The following NRG1 variants were observed in gnomAD, a reference collection of about 807,000 sequenced individuals.
NRG1 encodes pro-neuregulin-1, membrane-bound isoform.
Under a neutral mutation model 63.8 loss-of-function variants are expected in NRG1, and 18 were observed. The ratio of observed to expected loss-of-function variants is 0.28; its 90% CI spans 0.19 to 0.42. The LOEUF (loss-of-function observed/expected upper bound fraction) is 0.42, where lower values mean the gene tolerates loss of function less well. Among genes scored for constraint, NRG1 ranks in the 10% least tolerant of loss-of-function variants. The pLI, the probability that NRG1 is intolerant of heterozygous loss-of-function variation, is 1.00. For missense variants in NRG1, 762 were observed against 814.7 expected (o/e 0.94, Z 0.79); for synonymous variants, 302 against 301.3 (o/e 1.00, Z -0.02).
intron 5 of NRG1, among the ~76,000 whole-genome samples, chr8:32,687,380 G>T (rs530166245): frequency 6.6e-6 from 1 of 152,268 alleles, no homozygotes; most frequent in East Asian, 1.9e-4. Context: ...GAAAGAAACT[G>T]CAACAGAGCA....
chr8:32,090,306 A>G (rs1369544721), intron 1 of NRG1, among the ~76,000 whole-genome samples: 1 of 152,246 alleles, frequency 6.6e-6, no homozygotes, highest in African/African-American at 2.4e-5. Flanking sequence ...CATCTAGCTG[A>G]AAATACATTG....
intron 1 of NRG1, among the ~76,000 whole-genome samples, chr8:31,827,572 ATT>A (rs888958862): frequency 2.6e-5 from 4 of 152,224 alleles, no homozygotes; most frequent in Non-Finnish European, 5.9e-5. Context: ...TGTAGCTTGA[ATT>A]TTAGATGATA....
chr8:31,855,628 G>C (rs1827778144), intron 1 of NRG1, among the ~76,000 whole-genome samples: 2 of 152,094 alleles, frequency 1.3e-5, no homozygotes, highest in Non-Finnish European at 2.9e-5. Flanking sequence ...AGTTAATATT[G>C]TTATGTGTGA....
chr8:31,952,017 A>T (rs887704895), intron 1 of NRG1, among the ~76,000 whole-genome samples: 1 of 152,172 alleles, frequency 6.6e-6, no homozygotes. Flanking sequence ...CGACTGTCTT[A>T]CTTTCCTACA....
chr8:32,253,298 G>A (rs1487696927), intron 1 of NRG1, among the ~76,000 whole-genome samples: 1 of 152,058 alleles, frequency 6.6e-6, no homozygotes, highest in Non-Finnish European at 1.5e-5. Context: ...TCCTGTTTTT[G>A]CCTATTCAGT....
chr8:32,228,263 C>T (rs1177733068), intron 1 of NRG1, among the ~76,000 whole-genome samples: 1 of 152,124 alleles, frequency 6.6e-6, no homozygotes. Context: ...AGAATTGCTG[C>T]TCTTATTCCA....
intron 6 of NRG1, among the ~76,000 whole-genome samples, chr8:32,737,272 A>C (rs2129031632): frequency 6.6e-6 from 1 of 152,292 alleles, no homozygotes; most frequent in East Asian, 1.9e-4. Flanking sequence ...ATTTGAGGGC[A>C]GGCACAGCAG....
At chr8:32,666,586 C>A (rs1334400853) in intron 5 of NRG1, among the ~76,000 whole-genome samples, 5 of 152,190 alleles carry the variant, frequency 3.3e-5, no homozygotes, top group Admixed American at 2.6e-4. Flanking sequence ...AATCAGCATG[C>A]AAATTCTATG....
chr8:31,687,557 C>G (rs1386436524), intron 1 of NRG1, among the ~76,000 whole-genome samples: 1 of 152,152 alleles, frequency 6.6e-6, no homozygotes, highest in African/African-American at 2.4e-5. Context: ...AGAACCTGTC[C>G]TGCACTTACC....
chr8:32,042,976 G>GTGTGTGTGTGTA lies in NRG1; in HGVS notation c.37+403556_37+403557insATGTGTGTGTGT, dbSNP rs1459268757. Reference sequence around the variant, plus strand: ...GAAAGAGTGCAGTGTGTGTGTGTGTGTGTGTGTGTGTGTATGAACATGTAC... The same window carrying GTGTGTGTGTGTA: ...GAAAGAGTGCAGTGTGTGTGTGTGTGTGTGTGTGTGTATGTGTGTGTGTGTATGAACATGTAC... On this transcript the variant is annotated intron_variant, in intron 1 of 10. Transcript: ENST00000519301. Among the ~76,000 whole-genome samples, 572 of 151,800 alleles carry GTGTGTGTGTGTA rather than the reference G, an allele frequency of 3.8e-3. 4 individuals carry two copies. The highest frequency in any genetic ancestry group is 0.013 in the African/African-American group (540 of 41,378).
At chr8:31,647,373 G>T (rs553400076) in intron 1 of NRG1, among the ~76,000 whole-genome samples, 1 of 152,308 alleles carries the variant, frequency 6.6e-6, no homozygotes, top group South Asian at 2.1e-4. Context: ...TTTGGGCTCT[G>T]ATGAATAATG....
intron 1 of NRG1, among the ~76,000 whole-genome samples, chr8:31,846,418 C>T (rs16878347): frequency 0.14 from 21,571 of 152,130 alleles, 1,992 homozygotes; most frequent in Non-Finnish European, 0.19. Context: ...ATTACCAGCC[C>T]CTTCCTCAGT....
At chr8:32,727,831 G>A in intron 5 of NRG1, 118 bp from the exon 6 acceptor site, 1 of 979,142 alleles carries the variant, frequency 1.0e-6, no homozygotes, top group East Asian at 2.5e-5. Context: ...AGGTCTGCAA[G>A]TTTAGTGAAA....
chr8:32,410,378 A>G (rs1349004563), intron 1 of NRG1, among the ~76,000 whole-genome samples: 1 of 151,808 alleles, frequency 6.6e-6, no homozygotes, highest in Non-Finnish European at 1.5e-5. Flanking sequence ...ACAGGGTCTC[A>G]GCATGTTCCC....
chr8:32,556,146 A>G (rs745610021), intron 1 of NRG1, among the ~76,000 whole-genome samples: 13 of 152,256 alleles, frequency 8.5e-5, no homozygotes, highest in Non-Finnish European at 1.6e-4. Flanking sequence ...CATGTCATAC[A>G]GTTTAATATT....
At chr8:32,024,692 G>A (rs1816974804) in intron 1 of NRG1, among the ~76,000 whole-genome samples, 1 of 152,104 alleles carries the variant, frequency 6.6e-6, no homozygotes, top group Non-Finnish European at 1.5e-5. Flanking sequence ...AATCAAGAAA[G>A]AACTGAAAAT....
At chr8:32,608,020 A>T (rs1376333391) in intron 3 of NRG1, among the ~76,000 whole-genome samples, 2 of 151,976 alleles carry the variant, frequency 1.3e-5, no homozygotes, top group East Asian at 3.9e-4. Flanking sequence ...AAAAGACAGC[A>T]TAGAAAACAG....
rs375834609 is a variant in NRG1, at chr8:32,072,894, C to T, written c.37+433463C>T. On this transcript the variant is annotated intron_variant, in intron 1 of 10. Transcript: ENST00000519301. Reference sequence around the variant, plus strand: ...AAGACTTTTGCCAAAGTTTTCTGGTCTTTGTTCACTTCTATTATTAACATC... The same window carrying T: ...AAGACTTTTGCCAAAGTTTTCTGGTTTTTGTTCACTTCTATTATTAACATC... Among the ~76,000 whole-genome samples, 99 of 152,102 alleles carry T rather than the reference C, an allele frequency of 6.5e-4. 3 individuals carry two copies. The South Asian group carries it at 0.02, about 31-fold the overall frequency.
intron 5 of NRG1, among the ~76,000 whole-genome samples, chr8:32,618,557 T>G (rs1847786029): frequency 1.3e-5 from 2 of 152,186 alleles, no homozygotes; most frequent in Non-Finnish European, 2.9e-5. Context: ...TGGCAATGGT[T>G]TAAAACTAAG....
Sources: gnomAD v4.1 joint callset for allele counts (sites outside exome capture counted in the v4.1 genomes callset) on GRCh38, gnomAD v4.1.1 for gene constraint, MANE v1.5 for transcripts, NCBI Gene and HGNC (gene_info 2026-07-23, HGNC 2026-07-21) for gene names.